CHD7: variants seen among roughly 807,000 people sequenced by gnomAD.
CHD7 encodes ATP-dependent chromatin remodeler CHD7.
CHD7 carries 24 observed loss-of-function variants against 307.3 expected under a neutral mutation model. The ratio of observed to expected loss-of-function variants is 0.08; its 90% confidence interval spans 0.06 to 0.11. The LOEUF (loss-of-function observed/expected upper bound fraction) is 0.11, where lower values mean the gene tolerates loss of function less well. Ranked by LOEUF, CHD7 falls within the 10% of genes least tolerant of loss-of-function variation. CHD7 has a pLI of 1.00. For synonymous variants in CHD7, 1,363 were observed against 1,349.9 expected (o/e 1.01, Z -0.21); for missense variants, 3,106 against 3,727.1 (o/e 0.83, Z 4.34).
intron 1 of CHD7, among the ~76,000 whole-genome samples, chr8:60,719,232 G>A (rs917775414): frequency 1.3e-5 from 2 of 152,200 alleles, no homozygotes; most frequent in Non-Finnish European, 2.9e-5. Context: ...GGAAACTTTG[G>A]AGATTGGCAG....
At chr8:60,699,963 T>A (rs1248722798) in intron 1 of CHD7, among the ~76,000 whole-genome samples, 1 of 151,952 alleles carries the variant, frequency 6.6e-6, no homozygotes, top group Non-Finnish European at 1.5e-5. Context: ...CCCGAGTAGC[T>A]GGGATTACAG....
At chr8:60,790,828 A>G (rs1811740855) in intron 3 of CHD7, among the ~76,000 whole-genome samples, 2 of 152,162 alleles carry the variant, frequency 1.3e-5, no homozygotes, top group African/African-American at 4.8e-5. Flanking sequence ...TGTATTTTAT[A>G]TATCCCTTGT....
At chr8:60,816,926 A>G (rs1803775730) in intron 8 of CHD7, among the ~76,000 whole-genome samples, 1 of 152,226 alleles carries the variant, frequency 6.6e-6, no homozygotes, top group Admixed American at 6.5e-5. Flanking sequence ...ATGCCTAATT[A>G]CAGAGAGTTC....
intron 3 of CHD7, among the ~76,000 whole-genome samples, chr8:60,784,796 T>C (rs1197872609): frequency 7.9e-5 from 12 of 152,240 alleles, no homozygotes; most frequent in Admixed American, 6.5e-4. Context: ...AGAGTGATGG[T>C]GAAGCAGGAA....
At chr8:60,749,120 C>T (rs1809493514) in intron 2 of CHD7, among the ~76,000 whole-genome samples, 1 of 151,824 alleles carries the variant, frequency 6.6e-6, no homozygotes, top group African/African-American at 2.4e-5. Context: ...CGCCTGTAAT[C>T]CCAGCACTTT....
intron 3 of CHD7, among the ~76,000 whole-genome samples, chr8:60,789,800 A>G (rs1200009736): frequency 6.6e-6 from 1 of 152,232 alleles, no homozygotes; most frequent in South Asian, 2.1e-4. Context: ...GTCCTTACGA[A>G]CTTACAGTTG....
In CHD7 at chr8:60,772,000, C is replaced by G. The variant is rs531129466; in HGVS notation, c.1666-9000C>G. On this transcript the variant is annotated intron_variant, in intron 2 of 37. Coordinates refer to ENST00000423902, the MANE Select transcript of CHD7 (RefSeq NM_017780.4). ...GAAATCCTTTTACCTTCGCTGTATT[C>G]TGTTGGCTTGAGGGTCGCAGGTCCC... 1.3e-4 allele frequency among the ~76,000 whole-genome samples: 20 copies of G among 152,298 alleles called. 2 individuals carry two copies. In the South Asian group the frequency reaches 3.9e-3, roughly 30 times the overall value.
intron 1 of CHD7, among the ~76,000 whole-genome samples, chr8:60,722,710 C>T (rs1163127730): frequency 1.1e-4 from 17 of 152,132 alleles, no homozygotes. Context: ...TTTTATAAAT[C>T]TCTTTAATGC....
rs1018076874 is a variant in CHD7 at position 60,819,913 on chromosome 8, T to G, written c.2614-94T>G. Reference sequence around the variant, plus strand: ...GCCAAATGTAAGTTTTATATTGCTGTGACCCAAAATATTATTGCTTGGTGA... The same window carrying G: ...GCCAAATGTAAGTTTTATATTGCTGGGACCCAAAATATTATTGCTTGGTGA... On this transcript the variant is annotated intron_variant, in intron 8 of 37. Transcript: ENST00000423902. 9 of 867,260 alleles carry G rather than the reference T, an allele frequency of 1.0e-5. No individual in the cohort carries two copies. In the African/African-American group the frequency reaches 1.5e-4, roughly 15 times the overall value. 53.7% of individuals were successfully genotyped at this position (867,260 alleles called of 1,614,324 possible).
chr8:60,743,181 C>CT, intron 2 of CHD7, 84 bp downstream of exon 2: 1 of 1,180,172 alleles, frequency 8.5e-7, no homozygotes, highest in Non-Finnish European at 1.2e-6. Context: ...TCTTTAAACT[C>CT]TATGAAAAGC....
chr8:60,808,099 A>G, intron 6 of CHD7, 118 bp from the exon 7 acceptor site: 1 of 731,010 alleles, frequency 1.4e-6, no homozygotes, highest in Non-Finnish European at 2.3e-6. Flanking sequence ...ATCTTACGTG[A>G]AGGTCCTTTG....
At position 60,851,015 on chromosome 8, in the gene CHD7, G is replaced by C; in HGVS notation, c.5535-17G>C. On this transcript the variant is annotated splice_polypyrimidine_tract_variant and intron_variant, in intron 26 of 37. Coordinates refer to ENST00000423902, the MANE Select transcript of CHD7 (RefSeq NM_017780.4). Reference sequence around the variant, plus strand: ...TATCAGTATGATTCAAATAATTTTTGTGTTTGTTTTACATAGGGGAGAATT... The same window carrying C: ...TATCAGTATGATTCAAATAATTTTTCTGTTTGTTTTACATAGGGGAGAATT... The C allele has an allele frequency of 6.7e-7, 1 of 1,500,366 alleles. No homozygotes were observed. Among genetic ancestry groups the C allele is most frequent in the Non-Finnish European group, 9.0e-7 (1 of 1,114,270 alleles). The allele number at this position is 1,500,366 out of a possible 1,614,324, so 92.9% of individuals were successfully genotyped here.
Position 60,822,028 on chromosome 8 carries a change from G to A in CHD7, c.2840G>A (p.Arg947Gln), listed in dbSNP as rs768481542. Residue 947 changes from arginine (R) to glutamine (Q), a missense_variant, in exon 11 of 38, where the codon CGA (arginine) becomes CAA (glutamine). By Grantham distance (43) the Arg-to-Gln change is conservative (BLOSUM62 1). This residue lies in a region of CHD7 where 188 missense variants were observed against 261.7 expected (regional missense o/e 0.72). Transcript: ENST00000423902. ...GATTTACTATATTTGAAACAGGAGC[G>A]ACCTCCTGCTGATGATTGGAAGAAA... is the stretch of plus-strand genomic sequence containing the variant. ...SREPETERVE[R>Q]PPADDWKKSE... 8.0e-5 allele frequency: 129 copies of A among 1,613,588 alleles called. 1 individual carries two copies. The highest frequency in any genetic ancestry group is 2.2e-4 in the South Asian group (20 of 91,062).
intron 26 of CHD7, 27 bp from the exon 27 acceptor site, chr8:60,851,005 A>C (rs1459553782): frequency 2.7e-6 from 4 of 1,500,398 alleles, no homozygotes; most frequent in Non-Finnish European, 3.6e-6. Context: ...GTATGATTCA[A>C]ATAATTTTTG....
chr8:60,853,289 G>A lies in CHD7; in HGVS notation c.6564G>A (p.Glu2188=), dbSNP rs781081932. 3.1e-6 allele frequency: 5 copies of A among 1,609,180 alleles called. No individual in the cohort carries two copies. The South Asian group carries it at 4.4e-5, about 14-fold the overall frequency. ...PENPAAKEKC[E]GKEEEEETDG... ...ACCCAGCTGCCAAGGAGAAATGTGAGGGCAAAGAAGAGGAAGAAGAAACCG... is the reference window on the plus strand; with the variant it reads ...ACCCAGCTGCCAAGGAGAAATGTGAAGGCAAAGAAGAGGAAGAAGAAACCG... Residue 2188 remains glutamate, a synonymous_variant, in exon 31 of 38, where the codon GAG becomes GAA. Transcript: ENST00000423902.
chr8:60,844,041 C>T (rs1805088626), intron 21 of CHD7, among the ~76,000 whole-genome samples: 1 of 152,234 alleles, frequency 6.6e-6, no homozygotes, highest in Non-Finnish European at 1.5e-5. Flanking sequence ...ACCATGAGCA[C>T]TGCCTTGGTG....
Position 60,795,073 on chromosome 8 carries a change from C to T in CHD7, c.2184C>T (p.Asp728=). Residue 728 remains aspartate (D), a synonymous_variant, in exon 4 of 38, where the codon GAC becomes GAT. Coordinates refer to ENST00000423902, the MANE Select transcript of CHD7 (RefSeq NM_017780.4). ...KTEGSENSDL[D]KTPPPSPPPE... is the part of the protein sequence containing the mutation. Reference sequence around the variant, plus strand: ...AAGGTTCTGAAAATTCAGACTTAGACAAAACACCCCCACCATCTCCTCCTC... The same window carrying T: ...AAGGTTCTGAAAATTCAGACTTAGATAAAACACCCCCACCATCTCCTCCTC... 1 of 1,613,858 alleles carries T rather than the reference C, an allele frequency of 6.2e-7. No homozygotes were observed. The highest frequency in any genetic ancestry group is 1.3e-5 in the African/African-American group (1 of 75,022).
intron 3 of CHD7, among the ~76,000 whole-genome samples, chr8:60,790,882 G>A (rs1811744357): frequency 6.6e-6 from 1 of 152,190 alleles, no homozygotes; most frequent in African/African-American, 2.4e-5. Flanking sequence ...AGGAGATCAT[G>A]TCTGATCTAG....
chr8:60,686,656 G>A lies in CHD7; in HGVS notation c.-175+7574G>A, dbSNP rs1181804613. Among the ~76,000 whole-genome samples the A allele has an allele frequency of 2.0e-5, 3 of 152,168 alleles. No individual in the cohort carries two copies. In the South Asian group the frequency reaches 6.2e-4, roughly 32 times the overall value. On this transcript the variant is annotated intron_variant, in intron 1 of 37. Coordinates refer to ENST00000423902, the MANE Select transcript of CHD7 (RefSeq NM_017780.4). ...CCATCTGCTGCTGAGCAGGGACCGCGTGCGACCTGGGTTTCCACACCCACC... is the reference window on the plus strand; with the variant it reads ...CCATCTGCTGCTGAGCAGGGACCGCATGCGACCTGGGTTTCCACACCCACC...
Sources: allele counts gnomAD v4.1 joint callset (sites outside exome capture counted in the v4.1 genomes callset), GRCh38; gene constraint gnomAD v4.1.1; regional missense constraint gnomAD v4.1.1; transcripts MANE v1.5; gene names NCBI Gene and HGNC (gene_info 2026-07-23, HGNC 2026-07-21).